The following FAM227B variants were observed in gnomAD, a reference collection of about 807,000 sequenced individuals.
FAM227B encodes protein FAM227B.
A neutral mutation model predicts 73.8 loss-of-function variants in FAM227B; 88 were observed. That is an observed-to-expected ratio of 1.19 (90% CI 1.00 to 1.42). The LOEUF is 1.42. Among genes scored for constraint, FAM227B ranks in the 40% most tolerant of loss-of-function variants. FAM227B has a pLI of 0.00. For synonymous variants in FAM227B, 210 were observed against 190.5 expected, an observed-to-expected ratio of 1.10 and a Z score of -0.84; for missense variants, 632 against 590.9, an observed-to-expected ratio of 1.07 and a Z score of -0.72.
At chr15:49,438,451 A>G (rs995463037) in intron 11 of FAM227B, among the ~76,000 whole-genome samples, 2 of 151,764 alleles carry the variant, frequency 1.3e-5, no homozygotes, top group Non-Finnish European at 2.9e-5. Context: ...AATGGACCAG[A>G]TTGTCAATTG....
chr15:49,474,627 G>A (rs1162988164), intron 11 of FAM227B, among the ~76,000 whole-genome samples: 4 of 152,034 alleles, frequency 2.6e-5, no homozygotes, highest in Admixed American at 6.5e-5. Context: ...ATCAGTTTTC[G>A]GCAGGAGCCC....
intron 13 of FAM227B, chr15:49,343,747 T>C (rs773084218): frequency 2.0e-5 from 3 of 152,218 alleles, no homozygotes; most frequent in Non-Finnish European, 4.4e-5. Flanking sequence ...TTTCAACTTA[T>C]TGTTCTGGCA....
intron 11 of FAM227B, chr15:49,484,531 T>C (rs774439584): frequency 5.9e-5 from 75 of 1,261,054 alleles, no homozygotes; most frequent in Admixed American, 3.6e-4. Flanking sequence ...AAGAACCAGT[T>C]CCAGCAGGGA....
At chr15:49,620,492 CTT>C (rs1420958474) in intron 1 of FAM227B, 1 of 152,156 alleles carries the variant, frequency 6.6e-6, no homozygotes, top group African/African-American at 2.4e-5. Context: ...ACAAAGTACT[CTT>C]AACTCTATAT....
At chr15:49,434,030 T>C (rs2050857062) in intron 11 of FAM227B, among the ~76,000 whole-genome samples, 1 of 151,612 alleles carries the variant, frequency 6.6e-6, no homozygotes, top group African/African-American at 2.4e-5. Context: ...AGAGGGCATA[T>C]GCATAGGAAG....
At chr15:49,475,408 G>T (rs1354182962) in intron 11 of FAM227B, among the ~76,000 whole-genome samples, 1 of 152,160 alleles carries the variant, frequency 6.6e-6, no homozygotes, top group African/African-American at 2.4e-5. Context: ...CCTTTGAAAA[G>T]ATTTCAGAGT....
intron 11 of FAM227B, among the ~76,000 whole-genome samples, chr15:49,390,474 T>C (rs1311488034): frequency 6.6e-6 from 1 of 152,096 alleles, no homozygotes; most frequent in Non-Finnish European, 1.5e-5. Flanking sequence ...CATTGTTTTG[T>C]TTTTGGATAC....
At chr15:49,566,419 G>A (rs2074664341) in intron 9 of FAM227B, among the ~76,000 whole-genome samples, 1 of 152,140 alleles carries the variant, frequency 6.6e-6, no homozygotes, top group Non-Finnish European at 1.5e-5. Context: ...GAGATTAAGT[G>A]TCAAACTATT....
At chr15:49,384,966 C>T (rs1024269366) in intron 11 of FAM227B, among the ~76,000 whole-genome samples, 1 of 151,844 alleles carries the variant, frequency 6.6e-6, no homozygotes, top group African/African-American at 2.4e-5. Flanking sequence ...CCATGAAAAA[C>T]ATTTCAATTA....
At chr15:49,495,947 C>T (rs891374943) in intron 11 of FAM227B, among the ~76,000 whole-genome samples, 2 of 151,978 alleles carry the variant, frequency 1.3e-5, no homozygotes, top group Admixed American at 1.3e-4. Context: ...TGCTTGAACC[C>T]GGGAGGCAGA....
chr15:49,358,876 G>C (rs1412952832), intron 13 of FAM227B, among the ~76,000 whole-genome samples: 3 of 149,492 alleles, frequency 2.0e-5, no homozygotes, highest in Non-Finnish European at 4.5e-5. Context: ...CATGGTACTG[G>C]TACCAAAACA....
chr15:49,523,399 G>C (rs1240852643), intron 10 of FAM227B, among the ~76,000 whole-genome samples: 2 of 152,080 alleles, frequency 1.3e-5, no homozygotes, highest in Admixed American at 6.6e-5. Flanking sequence ...CTCTCTCTTT[G>C]CCTGCTGCCA....
intron 13 of FAM227B, among the ~76,000 whole-genome samples, chr15:49,341,125 G>A: frequency 6.6e-6 from 1 of 152,106 alleles, no homozygotes. Flanking sequence ...CAGTCTATGT[G>A]TCTGTTGTTG....
At chr15:49,566,046 C>A (rs745917543) in intron 9 of FAM227B, among the ~76,000 whole-genome samples, 5 of 152,152 alleles carry the variant, frequency 3.3e-5, no homozygotes, top group African/African-American at 1.2e-4. Flanking sequence ...CTGGCCGCCA[C>A]AGCTAAGAAA....
chr15:49,505,421 G>C (rs770436271), intron 11 of FAM227B, among the ~76,000 whole-genome samples: 5 of 151,906 alleles, frequency 3.3e-5, no homozygotes, highest in Non-Finnish European at 7.4e-5. Flanking sequence ...TCAAAAAGCT[G>C]AAAAAACATG....
intron 11 of FAM227B, among the ~76,000 whole-genome samples, chr15:49,382,270 T>C (rs2046588047): frequency 6.6e-6 from 1 of 152,052 alleles, no homozygotes; most frequent in Non-Finnish European, 1.5e-5. Flanking sequence ...TAATATGGTG[T>C]GGACATAAAA....
chr15:49,417,497 T>A (rs903461971), intron 11 of FAM227B, among the ~76,000 whole-genome samples: 1 of 152,062 alleles, frequency 6.6e-6, no homozygotes, highest in Non-Finnish European at 1.5e-5. Context: ...TGGAACAGAA[T>A]GAGCCCAGAA....
intron 5 of FAM227B, among the ~76,000 whole-genome samples, chr15:49,578,862 G>A (rs1311182111): frequency 1.3e-5 from 2 of 152,146 alleles, no homozygotes; most frequent in Non-Finnish European, 2.9e-5. Flanking sequence ...ACAGAGTGAT[G>A]ACACAACCTT....
chr15:49,408,615 A>G (rs752593713), intron 11 of FAM227B, among the ~76,000 whole-genome samples: 1 of 152,064 alleles, frequency 6.6e-6, no homozygotes, highest in Admixed American at 6.6e-5. Flanking sequence ...TTTTTGTTCT[A>G]ATTTTGAATG....
Sources: gnomAD v4.1 joint callset for allele counts (sites outside exome capture counted in the v4.1 genomes callset) on GRCh38, gnomAD v4.1.1 for gene constraint, MANE v1.5 for transcripts, NCBI Gene and HGNC (gene_info 2026-07-23, HGNC 2026-07-21) for gene names.